Variants in TMEM150C observed in about 807,000 individuals in gnomAD.
The protein encoded by TMEM150C is tentonin 3.
A neutral mutation model predicts 29.9 loss-of-function variants in TMEM150C; 10 were observed. The ratio of observed to expected loss-of-function variants is 0.33; its 90% CI spans 0.21 to 0.57. TMEM150C has a LOEUF of 0.57. Among genes scored for constraint, TMEM150C ranks in the 20% least tolerant of loss-of-function variants. The pLI, the probability that TMEM150C is intolerant of heterozygous loss-of-function variation, is 0.88. For missense variants in TMEM150C, 251 were observed against 303.6 expected (o/e 0.83, Z 1.29); for synonymous variants, 101 against 112.5 (o/e 0.90, Z 0.64).
chr4:82,528,799 T>C (rs998282003), intron 1 of TMEM150C, among the ~76,000 whole-genome samples: 4 of 152,080 alleles, frequency 2.6e-5, no homozygotes, highest in Admixed American at 6.6e-5. Flanking sequence ...TTTCACCATA[T>C]TGGCCAGGCT....
intron 6 of TMEM150C, chr4:82,495,651 A>G: frequency 3.3e-6 from 1 of 307,644 alleles, no homozygotes; most frequent in South Asian, 3.3e-5. Context: ...GGAATGTAAC[A>G]GGCAGGCGGG....
intron 1 of TMEM150C, among the ~76,000 whole-genome samples, chr4:82,510,208 G>A (rs1241968888): frequency 6.6e-6 from 1 of 152,144 alleles, no homozygotes; most frequent in Non-Finnish European, 1.5e-5. Flanking sequence ...GAACCCGGGA[G>A]GCGGAGGTTG....
intron 1 of TMEM150C, among the ~76,000 whole-genome samples, chr4:82,543,648 C>T (rs1725264133): frequency 6.6e-6 from 1 of 152,168 alleles, no homozygotes. Flanking sequence ...ATGCAAATAG[C>T]ACAGGTTACC....
chr4:82,552,240 C>T (rs1362444630), intron 1 of TMEM150C, among the ~76,000 whole-genome samples: 1 of 152,194 alleles, frequency 6.6e-6, no homozygotes, highest in African/African-American at 2.4e-5. Context: ...ACCCACTACC[C>T]TCGGGTATTC....
chr4:82,535,464 G>A (rs2110084829), intron 1 of TMEM150C, among the ~76,000 whole-genome samples: 1 of 152,290 alleles, frequency 6.6e-6, no homozygotes, highest in African/African-American at 2.4e-5. Context: ...TTTGGCATGA[G>A]ATTTGGAGGG....
At chr4:82,558,235 G>A (rs934606478) in intron 1 of TMEM150C, among the ~76,000 whole-genome samples, 1 of 151,826 alleles carries the variant, frequency 6.6e-6, no homozygotes, top group African/African-American at 2.4e-5. Context: ...AATTAATTAC[G>A]GCTAAATAAA....
At chr4:82,532,413 A>G (rs1293349886) in intron 1 of TMEM150C, among the ~76,000 whole-genome samples, 3 of 152,262 alleles carry the variant, frequency 2.0e-5, no homozygotes. Flanking sequence ...AAAGAAACAT[A>G]TAAGGAAACC....
chr4:82,513,521 A>C (rs1011677140), intron 1 of TMEM150C, among the ~76,000 whole-genome samples: 1 of 152,142 alleles, frequency 6.6e-6, no homozygotes, highest in Admixed American at 6.5e-5. Flanking sequence ...CATAAGGAAA[A>C]TGTGTGACTA....
At chr4:82,497,210 A>T (rs1380984811) in intron 5 of TMEM150C, among the ~76,000 whole-genome samples, 1 of 152,046 alleles carries the variant, frequency 6.6e-6, no homozygotes, top group African/African-American at 2.4e-5. Context: ...GAGTTGGGAG[A>T]GGTTAGTCTA....
intron 1 of TMEM150C, among the ~76,000 whole-genome samples, chr4:82,534,380 T>C (rs1174200812): frequency 6.6e-6 from 1 of 152,164 alleles, no homozygotes. Flanking sequence ...AGTGGCTGAA[T>C]ACAACATAAA....
rs1723084664 is a variant in TMEM150C at position 82,484,117 on chromosome 4, C to T, written c.*1394G>A. Reference sequence around the variant, plus strand: ...AAAAAATGTTTTTCATATTATATTCCAGGTAATCCCAGACCTCTATGGGGT... The same window carrying T: ...AAAAAATGTTTTTCATATTATATTCTAGGTAATCCCAGACCTCTATGGGGT... On this transcript the variant is annotated 3_prime_UTR_variant, in exon 8 of 8. Coordinates refer to ENST00000449862, the MANE Select transcript of TMEM150C (RefSeq NM_001080506.3). The T allele has an allele frequency of 6.6e-6, 1 of 152,060 alleles. No homozygotes were observed. Among genetic ancestry groups the T allele is most frequent in the African/African-American group, 2.4e-5 (1 of 41,390 alleles). 9.4% of individuals were successfully genotyped at this position (152,060 alleles called of 1,614,324 possible).
At chr4:82,515,983 C>A (rs1211596589) in intron 1 of TMEM150C, among the ~76,000 whole-genome samples, 1 of 152,026 alleles carries the variant, frequency 6.6e-6, no homozygotes. Context: ...AAACAGTGAG[C>A]CTTCACAATT....
Position 82,483,189 on chromosome 4 carries a change from A to T in TMEM150C, c.*2322T>A, listed in dbSNP as rs1297074409. The T allele has an allele frequency of 6.6e-6, 1 of 152,208 alleles. No homozygotes were observed. Among genetic ancestry groups the T allele is most frequent in the Non-Finnish European group, 1.5e-5 (1 of 68,036 alleles). 9.4% of individuals were successfully genotyped at this position (152,208 alleles called of 1,614,324 possible). On this transcript the variant is annotated 3_prime_UTR_variant, in exon 8 of 8. Transcript: ENST00000449862. ...AAGAAATAACAATTATGCATAAAAG[A>T]ATTTTATTTAGTGGCCAGATCCCAA...
chr4:82,490,136 T>C lies in TMEM150C; in HGVS notation c.466A>G (p.Ile156Val), dbSNP rs201799773. The change falls in exon 7 of 8, where the codon ATC (isoleucine) becomes GTC (valine). Residue 156 changes from isoleucine to valine, a missense_variant. Ile to Val is a conservative substitution (Grantham distance 29). Transcript: ENST00000449862. Reference sequence around the variant, plus strand: ...CCAACTCTCCGTCCTTCATTCTTGATGTTGACCTTGAGTGTCAGCGCAGCC... The same window carrying C: ...CCAACTCTCCGTCCTTCATTCTTGACGTTGACCTTGAGTGTCAGCGCAGCC... ...IQAALTLKVN[I>V]KNEGRRVGIP... 5 of 1,614,020 alleles carry C rather than the reference T, an allele frequency of 3.1e-6. No homozygotes were observed. Among genetic ancestry groups the C allele is most frequent in the Non-Finnish European group, 4.2e-6 (5 of 1,179,870 alleles).
At chr4:82,492,864 GTATATATATATATATATATATATA>G (rs58169287) in intron 6 of TMEM150C, among the ~76,000 whole-genome samples, 11 of 90,288 alleles carry the variant, frequency 1.2e-4, no homozygotes, top group Middle Eastern at 7.2e-3. Flanking sequence ...ATATGTTTGT[GTATATATATATATATATATATATA>G]TATATATATA....
At chr4:82,494,893 G>A (rs924122985) in intron 6 of TMEM150C, 6 of 536,168 alleles carry the variant, frequency 1.1e-5, no homozygotes, top group African/African-American at 7.9e-5. Context: ...GAAAGTCTGC[G>A]TCTCTTCACA....
At chr4:82,490,907 G>A in intron 6 of TMEM150C, 1 of 713,370 alleles carries the variant, frequency 1.4e-6, no homozygotes. Flanking sequence ...CCAGGACATT[G>A]CCTCCCCAGT....
chr4:82,555,793 G>A (rs1725717935), intron 1 of TMEM150C, among the ~76,000 whole-genome samples: 1 of 152,154 alleles, frequency 6.6e-6, no homozygotes, highest in African/African-American at 2.4e-5. Context: ...CTACACCAAA[G>A]GACTGTTGTG....
At chr4:82,492,117 TTTG>T (rs147594807) in intron 6 of TMEM150C, among the ~76,000 whole-genome samples, 68,210 of 148,692 alleles carry the variant, frequency 0.46, 18,543 homozygotes, top group African/African-American at 0.76. Flanking sequence ...ATAATTGTTT[TTTG>T]TTGTTGTTGT....
Sources: gnomAD v4.1 joint callset for allele counts (sites outside exome capture counted in the v4.1 genomes callset) on GRCh38, gnomAD v4.1.1 for gene constraint, MANE v1.5 for transcripts, NCBI Gene and HGNC (gene_info 2026-07-23, HGNC 2026-07-21) for gene names.